Variants in AXDND1 observed in about 807,000 individuals in gnomAD.
The protein encoded by AXDND1 is axonemal dynein light chain domain containing 1, also known as axonemal dynein light chain domain-containing protein 1.
In AXDND1, 110 loss-of-function variants were observed where a neutral mutation model predicts 137.5. The ratio of observed to expected loss-of-function variants is 0.80; its 90% CI spans 0.69 to 0.94. The LOEUF is 0.94. AXDND1 is among the 40% of genes least tolerant of loss of function. The probability of loss-of-function intolerance (pLI) is 0.00; values close to 1 mark genes in which losing one functional copy is unlikely to be tolerated. For synonymous variants in AXDND1, 414 were observed against 399.7 expected (o/e 1.04, Z -0.43); for missense variants, 1,191 against 1,169.8 (o/e 1.02, Z -0.26).
intron 10 of AXDND1, 31 bp from the exon 11 acceptor site, chr1:179,395,067 A>G (rs762957399): frequency 4.5e-6 from 7 of 1,566,528 alleles, no homozygotes; most frequent in Non-Finnish European, 5.2e-6. Context: ...ATCTCCAAAT[A>G]TGAATTAAAA....
intron 25 of AXDND1, among the ~76,000 whole-genome samples, chr1:179,536,277 G>A (rs1233668873): frequency 6.6e-6 from 1 of 152,142 alleles, no homozygotes; most frequent in Non-Finnish European, 1.5e-5. Flanking sequence ...TAGTCATGAA[G>A]TCTTTGCCCA....
At chr1:179,397,516 T>A (rs1259922037) in intron 11 of AXDND1, among the ~76,000 whole-genome samples, 1 of 152,212 alleles carries the variant, frequency 6.6e-6, no homozygotes, top group Non-Finnish European at 1.5e-5. Context: ...ATTTTCTGAA[T>A]TTGAATGTTG....
intron 15 of AXDND1, among the ~76,000 whole-genome samples, chr1:179,438,272 ACGTT>A (rs2125339172): frequency 1.3e-5 from 2 of 152,352 alleles, no homozygotes; most frequent in East Asian, 3.9e-4. Flanking sequence ...GTTATATTCT[ACGTT>A]GGTGACACAA....
intron 18 of AXDND1, among the ~76,000 whole-genome samples, chr1:179,488,570 C>G (rs1410988136): frequency 6.9e-6 from 1 of 145,044 alleles, no homozygotes; most frequent in Non-Finnish European, 1.5e-5. Flanking sequence ...CTGGCCTGAT[C>G]TATCTTTCTT....
chr1:179,492,766 A>G (rs1667056900), intron 19 of AXDND1, 89 bp from the exon 20 acceptor site: 3 of 816,416 alleles, frequency 3.7e-6, no homozygotes, highest in African/African-American at 1.8e-5. Context: ...TTAAAATTTT[A>G]AACACTTAGA....
At chr1:179,498,288 TG>T (rs1403585147) in intron 20 of AXDND1, among the ~76,000 whole-genome samples, 2 of 151,756 alleles carry the variant, frequency 1.3e-5, no homozygotes, top group African/African-American at 2.4e-5. Context: ...AGCATGGTAC[TG>T]GTACAAAAAC....
At chr1:179,536,941 T>A (rs1671608653) in intron 25 of AXDND1, among the ~76,000 whole-genome samples, 1 of 152,202 alleles carries the variant, frequency 6.6e-6, no homozygotes, top group Admixed American at 6.5e-5. Flanking sequence ...CCTTGTAAGT[T>A]GTTTTCCTAG....
intron 25 of AXDND1, among the ~76,000 whole-genome samples, chr1:179,535,228 C>CT (rs949424753): frequency 1.2e-4 from 18 of 149,620 alleles, no homozygotes; most frequent in Non-Finnish European, 1.9e-4. Flanking sequence ...TTTTTTTTTT[C>CT]TTTTTTTTAT....
In AXDND1 at chr1:179,366,551, A is replaced by G. The variant is rs753316013; in HGVS notation, c.42A>G (p.Thr14=). The change falls in exon 2 of 26, where the codon ACA becomes ACG. Residue 14 remains threonine, a synonymous_variant. Transcript: ENST00000367618. The part of the protein sequence containing the change: ...PKTPSTPLNS[T]STSESKKLKV... The stretch of plus-strand genomic sequence containing the variant: ...CGCCCTCCACCCCGCTAAACTCTAC[A>G]TCAACATCTGAGAGCAAAAAGTTAA... 1.7e-5 allele frequency: 27 copies of G among 1,613,816 alleles called. 2 individuals carry two copies. The highest frequency in any genetic ancestry group is 1.1e-4 in the East Asian group (5 of 44,862).
intron 15 of AXDND1, among the ~76,000 whole-genome samples, chr1:179,434,073 T>G (rs1477802510): frequency 6.6e-6 from 1 of 152,218 alleles, no homozygotes; most frequent in African/African-American, 2.4e-5. Flanking sequence ...TAGTTAGCTC[T>G]TTCATTGAAT....
intron 18 of AXDND1, among the ~76,000 whole-genome samples, chr1:179,488,196 T>C (rs1304842305): frequency 1.4e-5 from 2 of 148,088 alleles, no homozygotes; most frequent in Admixed American, 1.3e-4. Flanking sequence ...ATTTCTAAGA[T>C]TTTTAAAAAG....
chr1:179,375,259 T>C (rs1668474221), intron 4 of AXDND1, among the ~76,000 whole-genome samples: 1 of 151,678 alleles, frequency 6.6e-6, no homozygotes, highest in South Asian at 2.1e-4. Context: ...CCACCACATC[T>C]GGCTAGTTTT....
intron 17 of AXDND1, among the ~76,000 whole-genome samples, chr1:179,476,166 G>A (rs942338191): frequency 6.6e-5 from 10 of 152,104 alleles, no homozygotes; most frequent in Non-Finnish European, 5.9e-5. Context: ...TTTCTTTATA[G>A]CATTGTAGAA....
At chr1:179,523,408 G>A (rs982007718) in intron 21 of AXDND1, among the ~76,000 whole-genome samples, 2 of 152,126 alleles carry the variant, frequency 1.3e-5, no homozygotes, top group Non-Finnish European at 1.5e-5. Context: ...CACAATTCAT[G>A]TAATATGTAC....
At chr1:179,489,755 T>C (rs1666632023) in intron 18 of AXDND1, among the ~76,000 whole-genome samples, 1 of 146,456 alleles carries the variant, frequency 6.8e-6, no homozygotes, top group South Asian at 2.2e-4. Flanking sequence ...TTTTTTTTTT[T>C]TTTTTTTTGA....
chr1:179,386,616 T>C (rs948228002), intron 9 of AXDND1, among the ~76,000 whole-genome samples: 5 of 152,204 alleles, frequency 3.3e-5, no homozygotes, highest in South Asian at 2.1e-4. Context: ...ATTTTTGCTC[T>C]TTTCTATTTG....
chr1:179,464,894 A>C (rs532600134), intron 16 of AXDND1, among the ~76,000 whole-genome samples: 1 of 152,128 alleles, frequency 6.6e-6, no homozygotes, highest in African/African-American at 2.4e-5. Flanking sequence ...TCTTTCTTCC[A>C]CTTGATCAAA....
chr1:179,391,720 TAG>T (rs1304072340), intron 9 of AXDND1, among the ~76,000 whole-genome samples: 1 of 151,940 alleles, frequency 6.6e-6, no homozygotes, highest in Non-Finnish European at 1.5e-5. Context: ...GTATTTTTAG[TAG>T]AGAGAGGGTT....
chr1:179,492,832 T>C, intron 19 of AXDND1, 23 bp from the exon 20 acceptor site: 1 of 1,525,688 alleles, frequency 6.6e-7, no homozygotes, highest in Non-Finnish European at 9.0e-7. Flanking sequence ...TTTTTCTTTT[T>C]CTTTTTTTCC....
Sources: gnomAD v4.1 joint callset for allele counts (sites outside exome capture counted in the v4.1 genomes callset) on GRCh38, gnomAD v4.1.1 for gene constraint, MANE v1.5 for transcripts, NCBI Gene and HGNC (gene_info 2026-07-23, HGNC 2026-07-21) for gene names.